The following CAVIN4 variants were observed in gnomAD, a reference collection of about 807,000 sequenced individuals.
CAVIN4 encodes the protein caveolae-associated protein 4.
CAVIN4 carries 10 observed loss-of-function variants against 18.6 expected under a neutral mutation model. That is an observed-to-expected ratio of 0.54 (90% CI 0.33 to 0.91). The LOEUF (loss-of-function observed/expected upper bound fraction) is 0.91, where lower values mean the gene tolerates loss of function less well. Among genes scored for constraint, CAVIN4 ranks in the 40% least tolerant of loss-of-function variants. The pLI, the probability that CAVIN4 is intolerant of heterozygous loss-of-function variation, is 0.02. For synonymous variants in CAVIN4, 173 were observed against 164.8 expected (o/e 1.05, Z -0.38); for missense variants, 459 against 440.5 (o/e 1.04, Z -0.38).
In CAVIN4 at chr9:100,578,404, C is replaced by T; in HGVS notation, c.261C>T (p.Asn87=). ...QSHSNTGHII[N]KLFEKTRKVS... ...ATAGCAATACAGGGCATATCATTAA[C>T]AAATTGTTTGAGAAAACCCGAAAAG... The change falls in exon 1 of 2, where the codon AAC becomes AAT. Residue 87 remains asparagine (N), a synonymous_variant. Transcript: ENST00000307584. 3 of 1,614,118 alleles carry T rather than the reference C, an allele frequency of 1.9e-6. No individual in the cohort carries two copies. Among genetic ancestry groups the T allele is most frequent in the Non-Finnish European group, 2.5e-6 (3 of 1,180,008 alleles).
At chr9:100,578,621 C>T in intron 1 of CAVIN4, 70 bp downstream of exon 1, 1 of 1,427,658 alleles carries the variant, frequency 7.0e-7, no homozygotes, top group Non-Finnish European at 9.9e-7. Context: ...AAAGTCATAT[C>T]AGAGGTTTCC....
chr9:100,578,758 A>T (rs375310431), intron 1 of CAVIN4, among the ~76,000 whole-genome samples: 1 of 152,228 alleles, frequency 6.6e-6, no homozygotes, highest in African/African-American at 2.4e-5. Context: ...GAGCTTCTCA[A>T]CCATTTCATG....
chr9:100,579,105 A>G (rs77702409), intron 1 of CAVIN4, among the ~76,000 whole-genome samples: 15,577 of 152,242 alleles, frequency 0.1, 977 homozygotes, highest in Middle Eastern at 0.17. Flanking sequence ...CAATGAGGCA[A>G]TTATTTTTCT....
chr9:100,583,740 G>A (rs1195073895), intron 1 of CAVIN4, among the ~76,000 whole-genome samples: 1 of 151,542 alleles, frequency 6.6e-6, no homozygotes, highest in Non-Finnish European at 1.5e-5. Flanking sequence ...TCCGCCTCCC[G>A]GGTTCAAGTG....
Position 100,578,463 on chromosome 9 carries a change from T to A in CAVIN4, c.320T>A (p.Val107Glu). The A allele has an allele frequency of 6.2e-7, 1 of 1,613,864 alleles. No individual in the cohort carries two copies. ...CACATTAAAGATGTGAAAGCCCGGG[T>A]GGAGAAGCAACAAATTCATGTTAAA... ...SAHIKDVKAR[V>E]EKQQIHVKKV... The change falls in exon 1 of 2, where the codon GTG becomes GAG. Residue 107 changes from valine to glutamate, a missense_variant. Physicochemically the swap from Val to Glu is moderately radical, Grantham distance 121 (BLOSUM62 -2). Transcript: ENST00000307584.
intron 1 of CAVIN4, among the ~76,000 whole-genome samples, chr9:100,579,081 G>A (rs576726694): frequency 3.3e-5 from 5 of 152,210 alleles, no homozygotes; most frequent in African/African-American, 1.2e-4. Context: ...CAATGATAGC[G>A]ATTTTCCAAT....
chr9:100,583,992 T>C (rs1839452853), intron 1 of CAVIN4, among the ~76,000 whole-genome samples: 1 of 152,164 alleles, frequency 6.6e-6, no homozygotes, highest in Admixed American at 6.5e-5. Flanking sequence ...GACCTCACCA[T>C]TGGATACAGA....
upstream of CAVIN4, chr9:100,577,505 A>G (rs892299892): frequency 7.9e-5 from 12 of 152,552 alleles, no homozygotes; most frequent in African/African-American, 2.9e-4. Context: ...TGTGAGTAGA[A>G]TGTATTCAGC....
At chr9:100,582,114 A>G (rs1484554504) in intron 1 of CAVIN4, among the ~76,000 whole-genome samples, 3 of 152,184 alleles carry the variant, frequency 2.0e-5, no homozygotes, top group African/African-American at 7.2e-5. Flanking sequence ...TCTGGATCTC[A>G]CGTGGGGGCA....
chr9:100,582,477 T>C (rs1388622808), intron 1 of CAVIN4, among the ~76,000 whole-genome samples: 1 of 152,116 alleles, frequency 6.6e-6, no homozygotes, highest in Admixed American at 6.6e-5. Context: ...TTCCAAGTAG[T>C]AGGGACTACA....
In CAVIN4 at chr9:100,587,153, CCTAGGTTGGAGAGAAA is replaced by C. The variant is rs1209502262; in HGVS notation, c.*706_*721del. The stretch of plus-strand genomic sequence containing the variant: ...AGCCCTCAGCACCAATCAATAAGGT[CCTAGGTTGGAGAGAAA>C]CTAAAGCTGGTCTTCAGAAGCCTTT... On this transcript the variant is annotated 3_prime_UTR_variant, in exon 2 of 2. Coordinates refer to ENST00000307584, the MANE Select transcript of CAVIN4 (RefSeq NM_001018116.2). 6.6e-6 allele frequency: 1 copy of C among 152,102 alleles called. No homozygotes were observed. The highest frequency in any genetic ancestry group is 1.5e-5 in the Non-Finnish European group (1 of 68,018). 9.4% of individuals were successfully genotyped at this position (152,102 alleles called of 1,614,324 possible). A position where few individuals can be genotyped will look rare whatever the true frequency, so the allele number is the denominator to read the frequency against.
chr9:100,577,283 A>G (rs542463155), upstream of CAVIN4: 2 of 152,642 alleles, frequency 1.3e-5, no homozygotes, highest in Non-Finnish European at 1.5e-5. Context: ...TCTACCAGTT[A>G]AACTACTTTA....
intron 1 of CAVIN4, among the ~76,000 whole-genome samples, chr9:100,584,909 CT>C (rs1359091687): frequency 2.0e-5 from 3 of 152,112 alleles, no homozygotes; most frequent in Non-Finnish European, 4.4e-5. Context: ...ATGAAAACAT[CT>C]TGTGCTTGAG....
chr9:100,586,043 G>GAGGAGAGAGAGGCTAAGGCAGTC lies in CAVIN4; in HGVS notation c.697_719dup (p.Leu241GlyfsTer2), dbSNP rs752268676. 6.2e-7 allele frequency: 1 copy of GAGGAGAGAGAGGCTAAGGCAGTC among 1,614,212 alleles called. No individual in the cohort carries two copies. Among genetic ancestry groups the GAGGAGAGAGAGGCTAAGGCAGTC allele is most frequent in the Admixed American group, 1.7e-5 (1 of 60,026 alleles). On this transcript the variant is annotated frameshift_variant, in exon 2 of 2. Coordinates refer to ENST00000307584, the MANE Select transcript of CAVIN4 (RefSeq NM_001018116.2). ...TTAGAACTAGAATAGTGACCCCGGAGAGGAGAGAGAGGCTAAGGCAGTCAG... is the reference window on the plus strand; with the variant it reads ...TTAGAACTAGAATAGTGACCCCGGAGAGGAGAGAGAGGCTAAGGCAGTCAGGAGAGAGAGGCTAAGGCAGTCAG...
rs1158604242 is a variant in CAVIN4 at position 100,588,188 on chromosome 9, T to G, written c.*1737T>G. 6.6e-6 allele frequency among the ~76,000 whole-genome samples: 1 copy of G among 152,258 alleles called. No individual in the cohort carries two copies. Among genetic ancestry groups the G allele is most frequent in the Admixed American group, 6.5e-5 (1 of 15,290 alleles). ...TTTGGGAGTCTGATTCAGCATCATTTCCTCTTCACCTTGCATGAATACATG... is the reference window on the plus strand; with the variant it reads ...TTTGGGAGTCTGATTCAGCATCATTGCCTCTTCACCTTGCATGAATACATG... On this transcript the variant is annotated 3_prime_UTR_variant, in exon 2 of 2. Coordinates refer to ENST00000307584, the MANE Select transcript of CAVIN4 (RefSeq NM_001018116.2).
rs1839476952 is a variant in CAVIN4, at chr9:100,586,217, A to G, written c.861A>G (p.Glu287=). ...GKDRTVAEGE[E]CAREMGVDII... ...ACCGAACAGTGGCTGAAGGTGAGGA[A>G]TGTGCCAGGGAGATGGGTGTGGACA... Residue 287 remains glutamate, a synonymous_variant, in exon 2 of 2, where the codon GAA becomes GAG. Coordinates refer to ENST00000307584, the MANE Select transcript of CAVIN4 (RefSeq NM_001018116.2). The G allele has an allele frequency of 1.3e-6, 2 of 1,559,840 alleles. No homozygotes were observed. The highest frequency in any genetic ancestry group is 1.7e-6 in the Non-Finnish European group (2 of 1,155,262).
intron 1 of CAVIN4, among the ~76,000 whole-genome samples, chr9:100,583,611 CCATTTATT>C (rs879772429): frequency 0.014 from 2,038 of 143,810 alleles, 21 homozygotes; most frequent in Middle Eastern, 0.039. Context: ...CTCCTGCAAG[CCATTTATT>C]CATTCATTCA....
At chr9:100,583,157 T>G (rs905266155) in intron 1 of CAVIN4, among the ~76,000 whole-genome samples, 2 of 152,176 alleles carry the variant, frequency 1.3e-5, no homozygotes, top group African/African-American at 4.8e-5. Context: ...ACTCCTAAAT[T>G]TGGGTGTCTA....
At chr9:100,583,368 G>A (rs1353672929) in intron 1 of CAVIN4, among the ~76,000 whole-genome samples, 1 of 152,116 alleles carries the variant, frequency 6.6e-6, no homozygotes, top group Non-Finnish European at 1.5e-5. Flanking sequence ...CTTGAGGATT[G>A]TTCTTGACAC....
Sources: gnomAD v4.1 joint callset for allele counts (sites outside exome capture counted in the v4.1 genomes callset) on GRCh38, gnomAD v4.1.1 for gene constraint, MANE v1.5 for transcripts, NCBI Gene and HGNC (gene_info 2026-07-23, HGNC 2026-07-21) for gene names.